Variants in NCLN observed in about 807,000 individuals in gnomAD.
NCLN encodes the protein nicalin, also known as BOS complex subunit NCLN.
NCLN carries 34 observed loss-of-function variants against 69.5 expected under a neutral mutation model. That is an observed-to-expected ratio of 0.49 (90% confidence interval 0.37 to 0.65). The LOEUF is 0.65. NCLN is among the 30% of genes least tolerant of loss of function. The pLI is 0.00. For missense variants in NCLN, 710 were observed against 804.8 expected, an observed-to-expected ratio of 0.88 and a Z score of 1.42; for synonymous variants, 393 against 358.3, an observed-to-expected ratio of 1.10 and a Z score of -1.09.
Position 3,186,017 on chromosome 19 carries a change from C to G in NCLN, c.-14C>G. ...TCCCAGCTGCCGCCCCGCGCGGCCC[C>G]GCCGCCGGCCAGGATGCTGGAGGAA... On this transcript the variant is annotated 5_prime_UTR_variant, in exon 1 of 15. Coordinates refer to ENST00000246117, the MANE Select transcript of NCLN (RefSeq NM_020170.4). The G allele has an allele frequency of 6.5e-7, 1 of 1,535,250 alleles. No individual in the cohort carries two copies. Among genetic ancestry groups the G allele is most frequent in the Non-Finnish European group, 8.7e-7 (1 of 1,146,274 alleles).
At position 3,186,185 on chromosome 19, in the gene NCLN, A is replaced by G; in HGVS notation, c.155A>G (p.Gln52Arg). The change falls in exon 1 of 15, where the codon CAG becomes CGG. Residue 52 changes from glutamine to arginine, a missense_variant. Transcript: ENST00000246117. ...CACGAGTTCACCGTGTACCGCATGCAGCAGTACGACCTGCAGGGCCAGCCC... is the reference window on the plus strand; with the variant it reads ...CACGAGTTCACCGTGTACCGCATGCGGCAGTACGACCTGCAGGGCCAGCCC... ...AAHEFTVYRM[Q>R]QYDLQGQPYG... 1 of 1,583,366 alleles carries G rather than the reference A, an allele frequency of 6.3e-7. No individual in the cohort carries two copies. Among genetic ancestry groups the G allele is most frequent in the South Asian group, 1.1e-5 (1 of 87,906 alleles).
rs1916232521 is a variant in NCLN at position 3,205,167 on chromosome 19, T to G, written c.1208+416T>G. 6.6e-6 allele frequency among the ~76,000 whole-genome samples: 1 copy of G among 151,938 alleles called. No homozygotes were observed. Among genetic ancestry groups the G allele is most frequent in the Non-Finnish European group, 1.5e-5 (1 of 68,000 alleles). ...CCCTCTGGGCACTGTGTCTCTGGCT[T>G]CTTATGTCCTCTGACCCTGTGTCCT... On this transcript the variant is annotated intron_variant, in intron 9 of 14. Coordinates refer to ENST00000246117, the MANE Select transcript of NCLN (RefSeq NM_020170.4). This position sits in a 1 kb window ranked among gnomAD's most constrained non-coding sequence, Gnocchi z 4.6.
rs1173650914 is a variant in NCLN at position 3,192,507 on chromosome 19, G to T, written c.222G>T (p.Thr74=). 5.0e-6 allele frequency: 8 copies of T among 1,607,448 alleles called. No individual in the cohort carries two copies. Among genetic ancestry groups the T allele is most frequent in the Non-Finnish European group, 6.8e-6 (8 of 1,178,068 alleles). ...CAGTGCTGAACACGGAGGCGCGCAC[G>T]ATGGCGGCGGAGGTGCTGAGCCGCC... ...RNAVLNTEAR[T]MAAEVLSRRC... is the part of the protein sequence containing the mutation. Residue 74 remains threonine, a synonymous_variant, in exon 2 of 15, where the codon ACG becomes ACT. Coordinates refer to ENST00000246117, the MANE Select transcript of NCLN (RefSeq NM_020170.4).
intron 1 of NCLN, among the ~76,000 whole-genome samples, chr19:3,188,917 C>G (rs1915741328): frequency 1.3e-5 from 2 of 152,204 alleles, no homozygotes; most frequent in South Asian, 4.1e-4. Context: ...GGGCCAGAGC[C>G]CTGCCGAGGA....
Position 3,204,151 on chromosome 19 carries a change from G to A in NCLN, c.1029+7G>A. The A allele has an allele frequency of 2.0e-6, 3 of 1,507,126 alleles. No homozygotes were observed. Among genetic ancestry groups the A allele is most frequent in the African/African-American group, 1.4e-5 (1 of 71,690 alleles). 93.4% of individuals were successfully genotyped at this position (1,507,126 alleles called of 1,614,324 possible). ...CCTGCGGGAGCTGGAGACGGTGGGT[G>A]CCCCTTTCATGGATGGGTCCGGAGC... On this transcript the variant is annotated splice_region_variant and intron_variant, in intron 8 of 14. Coordinates refer to ENST00000246117, the MANE Select transcript of NCLN (RefSeq NM_020170.4).
At chr19:3,199,990 G>T (rs563045225) in intron 5 of NCLN, among the ~76,000 whole-genome samples, 2 of 152,090 alleles carry the variant, frequency 1.3e-5, no homozygotes, top group East Asian at 3.9e-4. Context: ...CTGAGCCACC[G>T]CACCCAGTCC....
chr19:3,189,401 A>G (rs957832484), intron 1 of NCLN, among the ~76,000 whole-genome samples: 10 of 152,352 alleles, frequency 6.6e-5, no homozygotes, highest in Non-Finnish European at 1.0e-4. Flanking sequence ...ATAAAGTTTT[A>G]TCGGCACGCG....
intron 9 of NCLN, among the ~76,000 whole-genome samples, chr19:3,204,978 A>G (rs983817893): frequency 1.6e-4 from 24 of 152,124 alleles, no homozygotes; most frequent in Non-Finnish European, 3.4e-4. Context: ...TCGTGGCCCC[A>G]TATAGGACCC....
At position 3,189,601 on chromosome 19, in the gene NCLN, T is replaced by A. The variant is rs544311822; in HGVS notation, c.185-2869T>A. ...CGCCAACTGGTGACTTCTCTCAGGA[T>A]GCCCGGTGCCCTCCATGGCGTCCAC... On this transcript the variant is annotated intron_variant, in intron 1 of 14. Transcript: ENST00000246117. Among the ~76,000 whole-genome samples, 36 of 152,370 alleles carry A rather than the reference T, an allele frequency of 2.4e-4. No individual in the cohort carries two copies. The South Asian group carries it at 7.5e-3, about 32-fold the overall frequency.
chr19:3,192,844 C>T (rs1005839307), intron 2 of NCLN, among the ~76,000 whole-genome samples, 184 bp downstream of exon 2: 3 of 152,100 alleles, frequency 2.0e-5, no homozygotes, highest in East Asian at 3.9e-4. Flanking sequence ...GGGTGATGAC[C>T]GGAGGTGTTC....
At chr19:3,196,697 G>A (rs1453332079) in intron 4 of NCLN, among the ~76,000 whole-genome samples, 2 of 152,210 alleles carry the variant, frequency 1.3e-5, no homozygotes, top group Admixed American at 6.5e-5. Context: ...CGAGCACCCC[G>A]GGATATCAGC....
rs528605251 is a variant in NCLN at position 3,201,675 on chromosome 19, C to T, written c.800+49C>T. On this transcript the variant is annotated intron_variant, in intron 6 of 14. Coordinates refer to ENST00000246117, the MANE Select transcript of NCLN (RefSeq NM_020170.4). ...GATGGGGGTGCGGGGGCCACACTGCCGGACAGCGCTGCCCACCAGGCACCT... is the reference window on the plus strand; with the variant it reads ...GATGGGGGTGCGGGGGCCACACTGCTGGACAGCGCTGCCCACCAGGCACCT... 186 of 1,348,352 alleles carry T rather than the reference C, an allele frequency of 1.4e-4. 1 individual carries two copies. In the African/African-American group the frequency reaches 2.2e-3, roughly 16 times the overall value. The allele number at this position is 1,348,352 out of a possible 1,614,324, so 83.5% of individuals were successfully genotyped here.
chr19:3,204,467 AT>A (rs1356520091), intron 8 of NCLN, 105 bp from the exon 9 acceptor site: 1 of 1,273,028 alleles, frequency 7.9e-7, no homozygotes, highest in East Asian at 2.7e-5. Flanking sequence ...ATTTCTCCTC[AT>A]TTTGCACCCT....
chr19:3,189,624 C>T (rs1915758241), intron 1 of NCLN, among the ~76,000 whole-genome samples: 1 of 152,238 alleles, frequency 6.6e-6, no homozygotes. Context: ...CCATGGCGTC[C>T]ACCACAAGTG....
rs1311139352 is a variant in NCLN, at chr19:3,207,642, T to C, written c.1646T>C (p.Leu549Pro). 1 of 1,612,808 alleles carries C rather than the reference T, an allele frequency of 6.2e-7. No homozygotes were observed. Among genetic ancestry groups the C allele is most frequent in the Non-Finnish European group, 8.5e-7 (1 of 1,179,892 alleles). ...AYVAVQHFSL[L>P]YKTVQRLLVK... ...CTGTGTCCCCAGCACTTCAGCCTCC[T>C]CTACAAGACCGTCCAGAGGCTGCTC... The change falls in exon 15 of 15, where the codon CTC becomes CCC. Residue 549 changes from leucine (L) to proline (P), a missense_variant. Coordinates refer to ENST00000246117, the MANE Select transcript of NCLN (RefSeq NM_020170.4).
Position 3,204,747 on chromosome 19 carries a change from G to T in NCLN, c.1204G>T (p.Val402Leu). The T allele has an allele frequency of 6.5e-7, 1 of 1,528,438 alleles. No homozygotes were observed. The allele number at this position is 1,528,438 out of a possible 1,614,324, so 94.7% of individuals were successfully genotyped here. A position where few individuals can be genotyped will look rare whatever the true frequency, so the allele number is the denominator to read the frequency against. Residue 402 changes from valine to leucine, a missense_variant, in exon 9 of 15, where the codon GTG becomes TTG. Val to Leu is a conservative substitution (Grantham distance 32). Transcript: ENST00000246117. ...CGGCCAGCGCAGCAGCATCATGGAC[G>T]TGCGGTGAGCGCGGCAGCACCTGCC... is the stretch of plus-strand genomic sequence containing the variant. ...RDGQRSSIMD[V>L]RSRVDSKTLT...
intron 3 of NCLN, among the ~76,000 whole-genome samples, chr19:3,194,744 C>CTTTTTTT (rs745406038): frequency 7.3e-6 from 1 of 136,456 alleles, no homozygotes; most frequent in Non-Finnish European, 1.6e-5. Context: ...GAGTCGTCTT[C>CTTTTTTT]TTTTTTTTTT....
At position 3,206,135 on chromosome 19, in the gene NCLN, C is replaced by A; in HGVS notation, c.1297-17C>A. On this transcript the variant is annotated splice_polypyrimidine_tract_variant and intron_variant, in intron 10 of 14. Transcript: ENST00000246117. ...GCAGGGGCCTGGACTCAGGGCCATC[C>A]CCTCCTCTCTCCGCAGGGGACACCC... is the stretch of plus-strand genomic sequence containing the variant. 1 of 1,536,916 alleles carries A rather than the reference C, an allele frequency of 6.5e-7. No individual in the cohort carries two copies. Among genetic ancestry groups the A allele is most frequent in the East Asian group, 2.4e-5 (1 of 41,182 alleles).
intron 3 of NCLN, among the ~76,000 whole-genome samples, chr19:3,194,966 G>A (rs1915919545): frequency 6.6e-6 from 1 of 151,970 alleles, no homozygotes; most frequent in African/African-American, 2.4e-5. Flanking sequence ...TTGAGGGCCT[G>A]GAGTCCAAGA....
Sources: gnomAD v4.1 joint callset for allele counts (sites outside exome capture counted in the v4.1 genomes callset) on GRCh38, gnomAD v4.1.1 for gene constraint, Gnocchi (gnomAD v3.1) non-coding constraint, MANE v1.5 for transcripts, NCBI Gene and HGNC (gene_info 2026-07-23, HGNC 2026-07-21) for gene names.